Variants in UPK3A observed in about 807,000 individuals in gnomAD.
UPK3A encodes uroplakin 3A.
Under a neutral mutation model 27.6 loss-of-function variants are expected in UPK3A, and 32 were observed. The observed-to-expected ratio is 1.16, with a 90% CI of 0.87 to 1.55. The LOEUF (loss-of-function observed/expected upper bound fraction) is 1.55, where lower values mean the gene tolerates loss of function less well. UPK3A is among the 40% of genes most tolerant of loss of function. The pLI, the probability that UPK3A is intolerant of heterozygous loss-of-function variation, is 0.00. For synonymous variants in UPK3A, 171 were observed against 163.9 expected, an observed-to-expected ratio of 1.04 and a Z score of -0.33; for missense variants, 370 against 367.9, an observed-to-expected ratio of 1.01 and a Z score of -0.05.
chr22:45,293,123 G>T, intron 4 of UPK3A, 58 bp from the exon 5 acceptor site: 1 of 1,607,064 alleles, frequency 6.2e-7, no homozygotes, highest in Admixed American at 1.7e-5. Context: ...CCGCCTCCTG[G>T]GAGAAGGGTG....
chr22:45,286,004 C>T lies in UPK3A; in HGVS notation c.116C>T (p.Thr39Ile), dbSNP rs761848623. ...GCCACCAACAACCCCACACTTACCA[C>T]TGTGGCCTTGGAAAAGCCTCTCTGC... ...TFATNNPTLT[T>I]VALEKPLCMF... Residue 39 changes from threonine to isoleucine, a missense_variant, in exon 2 of 6, where the codon ACT becomes ATT. Physicochemically the swap from Thr to Ile is moderately conservative, Grantham distance 89. Coordinates refer to ENST00000216211, the MANE Select transcript of UPK3A (RefSeq NM_006953.4). 4 of 1,614,196 alleles carry T rather than the reference C, an allele frequency of 2.5e-6. No individual in the cohort carries two copies. Among genetic ancestry groups the T allele is most frequent in the Non-Finnish European group, 2.5e-6 (3 of 1,180,022 alleles).
chr22:45,294,116 G>A (rs2084179985), intron 5 of UPK3A, among the ~76,000 whole-genome samples: 1 of 152,172 alleles, frequency 6.6e-6, no homozygotes, highest in Non-Finnish European at 1.5e-5. Flanking sequence ...CTGGAGGAAG[G>A]GTCAGTGTGA....
intron 1 of UPK3A, 72 bp from the exon 2 acceptor site, chr22:45,285,869 C>A: frequency 6.2e-7 from 1 of 1,605,404 alleles, no homozygotes; most frequent in Non-Finnish European, 8.5e-7. Flanking sequence ...AACACGTGCT[C>A]AGTAACTGCA....
In UPK3A at chr22:45,295,834, A is replaced by ACTG; in HGVS notation, c.*117_*119dup. On this transcript the variant is annotated 3_prime_UTR_variant, in exon 6 of 6. Coordinates refer to ENST00000216211, the MANE Select transcript of UPK3A (RefSeq NM_006953.4). ...AGGTGAAACAGGGCTTGTCCCTCCA[A>ACTG]CTGCAGGAAAACCCTTAATAAAATC... 8.0e-7 allele frequency: 1 copy of ACTG among 1,248,072 alleles called. No individual in the cohort carries two copies. The highest frequency in any genetic ancestry group is 1.1e-6 in the Non-Finnish European group (1 of 877,332). 77.3% of individuals were successfully genotyped at this position (1,248,072 alleles called of 1,614,324 possible).
chr22:45,286,774 G>C (rs1238161596), intron 2 of UPK3A, among the ~76,000 whole-genome samples: 1 of 152,166 alleles, frequency 6.6e-6, no homozygotes, highest in Non-Finnish European at 1.5e-5. Flanking sequence ...TGAAGAGGTA[G>C]AGTGAGTTGT....
chr22:45,285,597 A>T (rs191046748), intron 1 of UPK3A, among the ~76,000 whole-genome samples: 1 of 151,674 alleles, frequency 6.6e-6, no homozygotes, highest in Non-Finnish European at 1.5e-5. Context: ...GGCCATAGCC[A>T]GAGAATGAGG....
intron 5 of UPK3A, among the ~76,000 whole-genome samples, chr22:45,294,115 G>A (rs1350010968): frequency 6.6e-6 from 1 of 152,170 alleles, no homozygotes; most frequent in Admixed American, 6.5e-5. Context: ...CCTGGAGGAA[G>A]GGTCAGTGTG....
At position 45,288,944 on chromosome 22, in the gene UPK3A, T is replaced by C. The variant is rs1425645055; in HGVS notation, c.489-117T>C. 6 of 954,908 alleles carry C rather than the reference T, an allele frequency of 6.3e-6. No individual in the cohort carries two copies. The African/African-American group carries it at 9.8e-5, about 16-fold the overall frequency. The allele number at this position is 954,908 out of a possible 1,614,324, so 59.2% of individuals were successfully genotyped here. ...AGTAGCCGTCTACATTTCCGTCTCC[T>C]GGAAGGGCCCCCGCTGCCGTCTCCC... On this transcript the variant is annotated intron_variant, in intron 3 of 5. Coordinates refer to ENST00000216211, the MANE Select transcript of UPK3A (RefSeq NM_006953.4).
At chr22:45,295,335 A>G (rs2147799509) in intron 5 of UPK3A, among the ~76,000 whole-genome samples, 1 of 152,184 alleles carries the variant, frequency 6.6e-6, no homozygotes, top group African/African-American at 2.4e-5. Flanking sequence ...TCCAGCTCCC[A>G]ATAAGACCTA....
rs759252449 is a variant in UPK3A at position 45,295,711 on chromosome 22, C to A, written c.856C>A (p.Gln286Lys). The stretch of plus-strand genomic sequence containing the variant: ...GGCTGAGGTGTATTCCAGCAAGCTC[C>A]AAGACTGAGCCCAGCACCACCCCTG... ...DRAEVYSSKL[Q>K]D Residue 286 changes from glutamine to lysine, a missense_variant, in exon 6 of 6, where the codon CAA (glutamine) becomes AAA (lysine). By Grantham distance (53) the Gln-to-Lys change is moderately conservative. Coordinates refer to ENST00000216211, the MANE Select transcript of UPK3A (RefSeq NM_006953.4). 6.2e-7 allele frequency: 1 copy of A among 1,613,926 alleles called. No individual in the cohort carries two copies. Among genetic ancestry groups the A allele is most frequent in the South Asian group, 1.1e-5 (1 of 91,080 alleles).
At chr22:45,285,876 T>C in intron 1 of UPK3A, 65 bp from the exon 2 acceptor site, 1 of 1,609,118 alleles carries the variant, frequency 6.2e-7, no homozygotes, top group Non-Finnish European at 8.5e-7. Flanking sequence ...GCTCAGTAAC[T>C]GCAAGCAGAG....
intron 1 of UPK3A, 71 bp from the exon 2 acceptor site, chr22:45,285,870 A>G: frequency 2.5e-6 from 4 of 1,606,388 alleles, no homozygotes; most frequent in South Asian, 2.2e-5. Flanking sequence ...ACACGTGCTC[A>G]GTAACTGCAA....
At chr22:45,289,532 G>C (rs55651132) in intron 4 of UPK3A, among the ~76,000 whole-genome samples, 48,109 of 146,096 alleles carry the variant, frequency 0.33, 8,257 homozygotes, top group East Asian at 0.56. Context: ...GAGCCAAGAT[G>C]ACACCACTGC....
At chr22:45,288,521 C>T (rs2084135711) in intron 3 of UPK3A, among the ~76,000 whole-genome samples, 1 of 152,032 alleles carries the variant, frequency 6.6e-6, no homozygotes. Context: ...TTAGTAGAGA[C>T]AGGGTTTTGC....
chr22:45,292,423 G>A (rs571453742), intron 4 of UPK3A, among the ~76,000 whole-genome samples: 1 of 152,306 alleles, frequency 6.6e-6, no homozygotes, highest in South Asian at 2.1e-4. Context: ...GCTGCAAGTG[G>A]CTGGCTGCAG....
At chr22:45,285,813 T>C in intron 1 of UPK3A, 128 bp from the exon 2 acceptor site, 2 of 1,359,474 alleles carry the variant, frequency 1.5e-6, no homozygotes, top group Non-Finnish European at 1.0e-6. Context: ...CTGAGACAGC[T>C]TATGCGGTGG....
chr22:45,290,493 C>T (rs893135874), intron 4 of UPK3A, among the ~76,000 whole-genome samples: 1 of 151,888 alleles, frequency 6.6e-6, no homozygotes, highest in Non-Finnish European at 1.5e-5. Flanking sequence ...GTTTGTGTTG[C>T]GTGTGGCGTG....
intron 3 of UPK3A, among the ~76,000 whole-genome samples, chr22:45,288,432 T>C (rs2084135000): frequency 6.6e-6 from 1 of 152,104 alleles, no homozygotes; most frequent in Non-Finnish European, 1.5e-5. Flanking sequence ...TCTCCTGACC[T>C]CATGATCCGC....
In UPK3A at chr22:45,285,078, G is replaced by T; in HGVS notation, c.52+13G>T. The T allele has an allele frequency of 6.5e-7, 1 of 1,534,642 alleles. No individual in the cohort carries two copies. The highest frequency in any genetic ancestry group is 1.2e-5 in the South Asian group (1 of 83,946). The stretch of plus-strand genomic sequence containing the variant: ...CGGTTCGGCTCGGGTAGGCGGTGAA[G>T]GGCAGGAGGGGGCTGAGCCCAGAAA... On this transcript the variant is annotated intron_variant, in intron 1 of 5. Transcript: ENST00000216211.
Sources: allele counts gnomAD v4.1 joint callset (sites outside exome capture counted in the v4.1 genomes callset), GRCh38; gene constraint gnomAD v4.1.1; transcripts MANE v1.5; gene names NCBI Gene and HGNC (gene_info 2026-07-23, HGNC 2026-07-21).